Variants in FBXW8 observed in about 807,000 individuals in gnomAD.
FBXW8 encodes the protein F-box/WD repeat-containing protein 8.
Under a neutral mutation model 65.3 loss-of-function variants are expected in FBXW8, and 57 were observed. That is an observed-to-expected ratio of 0.87 (90% CI 0.71 to 1.09). FBXW8 has a LOEUF of 1.09. Ranked by LOEUF, FBXW8 falls within the 50% of genes least tolerant of loss-of-function variation. The probability of loss-of-function intolerance (pLI) is 0.00; values close to 1 mark genes in which losing one functional copy is unlikely to be tolerated. For synonymous variants in FBXW8, 308 were observed against 330.2 expected (o/e 0.93, Z 0.73); for missense variants, 777 against 814.8 (o/e 0.95, Z 0.57).
chr12:117,016,485 TTAGAG>T (rs754766971), intron 8 of FBXW8, among the ~76,000 whole-genome samples: 7 of 143,420 alleles, frequency 4.9e-5, no homozygotes, highest in Non-Finnish European at 1.0e-4. Context: ...TATTGAGTTA[TTAGAG>T]TATTTTTTTA....
At chr12:116,925,973 A>G (rs1246197802) in intron 1 of FBXW8, among the ~76,000 whole-genome samples, 2 of 152,214 alleles carry the variant, frequency 1.3e-5, no homozygotes, top group Non-Finnish European at 2.9e-5. Context: ...GGTTGGGATC[A>G]AGGATACTGG....
At position 117,030,368 on chromosome 12, in the gene FBXW8, A is replaced by C. The variant is rs1318952026; in HGVS notation, c.*2196A>C. On this transcript the variant is annotated 3_prime_UTR_variant, in exon 11 of 11. Transcript: ENST00000652555. ...TAAGTGGAGATGGCCTGTAGGTAGC[A>C]AATGCAGGATTTTGTTTACTTTCAT... 1 of 152,162 alleles carries C rather than the reference A, an allele frequency of 6.6e-6. No individual in the cohort carries two copies. Among genetic ancestry groups the C allele is most frequent in the Non-Finnish European group, 1.5e-5 (1 of 68,038 alleles). The allele number at this position is 152,162 out of a possible 1,614,324, so 9.4% of individuals were successfully genotyped here. A position where few individuals can be genotyped will look rare whatever the true frequency, so the allele number is the denominator to read the frequency against.
Position 116,911,677 on chromosome 12 carries a change from A to G in FBXW8, c.318+322A>G, listed in dbSNP as rs2137276226. Among the ~76,000 whole-genome samples the G allele has an allele frequency of 2.6e-5, 4 of 152,176 alleles. No homozygotes were observed. The South Asian group carries it at 8.3e-4, about 32-fold the overall frequency. On this transcript the variant is annotated intron_variant, in intron 1 of 10. Transcript: ENST00000652555. The stretch of plus-strand genomic sequence containing the variant: ...CTGAACATCCTACAGTGTACAGGAC[A>G]CCACGCACAAAAAAATTATCCAGGA...
chr12:116,972,519 T>C (rs534829927), intron 5 of FBXW8, among the ~76,000 whole-genome samples: 2 of 152,268 alleles, frequency 1.3e-5, no homozygotes, highest in African/African-American at 4.8e-5. Context: ...CAAAAGGCCA[T>C]TAAACGGGCC....
chr12:117,001,618 A>C (rs986824445), intron 7 of FBXW8, among the ~76,000 whole-genome samples: 3 of 152,092 alleles, frequency 2.0e-5, no homozygotes, highest in African/African-American at 7.2e-5. Context: ...CGTAAGATAG[A>C]TATTATAACC....
chr12:116,959,453 TG>T (rs1883851020), intron 4 of FBXW8, among the ~76,000 whole-genome samples: 1 of 152,180 alleles, frequency 6.6e-6, no homozygotes, highest in African/African-American at 2.4e-5. Context: ...CTTGTGACCC[TG>T]GGTAAGTCAC....
intron 4 of FBXW8, among the ~76,000 whole-genome samples, chr12:116,953,135 C>T (rs898665654): frequency 2.6e-5 from 4 of 152,312 alleles, no homozygotes; most frequent in African/African-American, 9.6e-5. Context: ...CACAGACTCC[C>T]CTTGTCCCCT....
At chr12:117,013,636 T>G (rs2135713326) in intron 8 of FBXW8, among the ~76,000 whole-genome samples, 1 of 152,332 alleles carries the variant, frequency 6.6e-6, no homozygotes, top group African/African-American at 2.4e-5. Flanking sequence ...TTTTCACATC[T>G]ATGAAATCAG....
intron 9 of FBXW8, among the ~76,000 whole-genome samples, chr12:117,026,405 A>G (rs1241530893): frequency 6.6e-6 from 1 of 150,638 alleles, no homozygotes; most frequent in African/African-American, 2.5e-5. Context: ...GCCTCCACCA[A>G]GCCTGCCCTC....
At position 117,028,149 on chromosome 12, in the gene FBXW8, G is replaced by C. The variant is rs1450678167; in HGVS notation, c.1774G>C (p.Ala592Pro). Reference protein sequence around the residue: ...MATHYYDLALAFPYNHV With the variant: ...MATHYYDLALPFPYNHV The stretch of plus-strand genomic sequence containing the variant: ...CACTCACTACTACGACCTCGCACTG[G>C]CCTTTCCCTATAACCATGTTTAGGG... Residue 592 changes from alanine to proline, a missense_variant, in exon 11 of 11, where the codon GCC becomes CCC. By Grantham distance (27) the Ala-to-Pro change is conservative. Transcript: ENST00000652555. The surrounding 1 kb of genome is among the most constrained non-coding windows in gnomAD (Gnocchi z 4.1). The C allele has an allele frequency of 6.2e-7, 1 of 1,614,110 alleles. No homozygotes were observed. The highest frequency in any genetic ancestry group is 8.5e-7 in the Non-Finnish European group (1 of 1,180,018).
chr12:117,018,434 C>T (rs1478975085), intron 8 of FBXW8, among the ~76,000 whole-genome samples: 5 of 152,136 alleles, frequency 3.3e-5, no homozygotes, highest in Admixed American at 6.5e-5. Context: ...TTCCCAGCGT[C>T]GAGTATTTGG....
At chr12:116,966,747 C>T (rs1335144880) in intron 5 of FBXW8, among the ~76,000 whole-genome samples, 2 of 151,784 alleles carry the variant, frequency 1.3e-5, no homozygotes, top group Admixed American at 6.6e-5. Context: ...CAGGGTTTTG[C>T]TGTGCCACCC....
At chr12:116,926,404 G>A (rs114538421) in intron 1 of FBXW8, among the ~76,000 whole-genome samples, 339 of 152,270 alleles carry the variant, frequency 2.2e-3, no homozygotes, top group African/African-American at 7.6e-3. Context: ...GGAAGACCAC[G>A]ATTGCAAATG....
chr12:116,955,110 T>A (rs1326188145), intron 4 of FBXW8, among the ~76,000 whole-genome samples: 4 of 151,958 alleles, frequency 2.6e-5, no homozygotes, highest in Admixed American at 1.3e-4. Context: ...CCAGGAAACT[T>A]TGAGCCAAGT....
chr12:117,018,481 G>A (rs1031589316), intron 8 of FBXW8, among the ~76,000 whole-genome samples: 6 of 152,212 alleles, frequency 3.9e-5, no homozygotes, highest in Non-Finnish European at 7.3e-5. Flanking sequence ...TTGCCAAGGC[G>A]CACGGCATTC....
intron 2 of FBXW8, among the ~76,000 whole-genome samples, chr12:116,941,864 C>G (rs1882590215): frequency 6.6e-6 from 1 of 152,060 alleles, no homozygotes; most frequent in African/African-American, 2.4e-5. Context: ...CAGTGAACAT[C>G]TTAGTTTAAA....
chr12:116,991,319 G>T (rs1442689671), intron 7 of FBXW8, among the ~76,000 whole-genome samples: 1 of 152,184 alleles, frequency 6.6e-6, no homozygotes, highest in African/African-American at 2.4e-5. Context: ...CCATCTGATT[G>T]TGCTTAATGG....
intron 1 of FBXW8, among the ~76,000 whole-genome samples, chr12:116,923,332 C>T (rs1303948123): frequency 6.6e-6 from 1 of 151,732 alleles, no homozygotes; most frequent in African/African-American, 2.4e-5. Flanking sequence ...ACGAAAGTCC[C>T]CAATAGTGGT....
chr12:116,925,423 G>A (rs956729173), intron 1 of FBXW8, among the ~76,000 whole-genome samples: 1 of 152,204 alleles, frequency 6.6e-6, no homozygotes, highest in Non-Finnish European at 1.5e-5. Flanking sequence ...AGAATATGTT[G>A]CCAGAATTAC....
Sources: allele counts gnomAD v4.1 joint callset (sites outside exome capture counted in the v4.1 genomes callset), GRCh38; gene constraint gnomAD v4.1.1; non-coding constraint Gnocchi (gnomAD v3.1); transcripts MANE v1.5; gene names NCBI Gene and HGNC (gene_info 2026-07-23, HGNC 2026-07-21).